THSD4: variants seen among roughly 807,000 people sequenced by gnomAD.
THSD4 encodes thrombospondin type-1 domain-containing protein 4.
A neutral mutation model predicts 119.0 loss-of-function variants in THSD4; 69 were observed. The ratio of observed to expected loss-of-function variants is 0.58; its 90% CI spans 0.48 to 0.71. The LOEUF is 0.71. Ranked by LOEUF, THSD4 falls within the 30% of genes least tolerant of loss-of-function variation. The pLI, the probability that THSD4 is intolerant of heterozygous loss-of-function variation, is 0.00. For synonymous variants in THSD4, 524 were observed against 540.4 expected (o/e 0.97, Z 0.42); for missense variants, 1,393 against 1,391.1 (o/e 1.00, Z -0.02).
intron 3 of THSD4, among the ~76,000 whole-genome samples, chr15:71,172,692 T>TATATATGTGAC: frequency 1.5e-5 from 1 of 68,212 alleles, no homozygotes; most frequent in South Asian, 4.8e-4. Context: ...CATATATATA[T>TATATATGTGAC]ATATATATAT....
intron 7 of THSD4, among the ~76,000 whole-genome samples, chr15:71,517,453 C>T (rs1437838135): frequency 1.3e-5 from 2 of 152,202 alleles, no homozygotes. Context: ...GCCTATTTTA[C>T]CTTCCCAACC....
intron 7 of THSD4, among the ~76,000 whole-genome samples, chr15:71,564,145 T>C (rs1241737238): frequency 6.6e-6 from 1 of 152,214 alleles, no homozygotes; most frequent in Non-Finnish European, 1.5e-5. Flanking sequence ...TTCTGCCCAT[T>C]TTTCCCTCTT....
At chr15:71,734,229 C>T (rs896997834) in intron 10 of THSD4, among the ~76,000 whole-genome samples, 6 of 152,128 alleles carry the variant, frequency 3.9e-5, no homozygotes, top group Admixed American at 2.6e-4. Flanking sequence ...TCAAAAGCAA[C>T]TGCCACATAA....
At chr15:71,521,622 CGTGA>C (rs1476403496) in intron 7 of THSD4, among the ~76,000 whole-genome samples, 1 of 152,046 alleles carries the variant, frequency 6.6e-6, no homozygotes, top group Non-Finnish European at 1.5e-5. Context: ...GCCAAATGGC[CGTGA>C]GTAAGAAGAT....
At chr15:71,496,020 A>G (rs1219626135) in intron 7 of THSD4, among the ~76,000 whole-genome samples, 1 of 152,304 alleles carries the variant, frequency 6.6e-6, no homozygotes, top group East Asian at 1.9e-4. Flanking sequence ...CAGCATAGGC[A>G]CTCATCTGCC....
intron 3 of THSD4, among the ~76,000 whole-genome samples, chr15:71,207,408 C>A (rs1353286589): frequency 2.0e-5 from 3 of 152,264 alleles, no homozygotes; most frequent in African/African-American, 7.2e-5. Flanking sequence ...CCACCTCCCT[C>A]TTCCAGCCTT....
At chr15:71,578,210 G>C (rs1159494766) in intron 7 of THSD4, among the ~76,000 whole-genome samples, 1 of 149,710 alleles carries the variant, frequency 6.7e-6, no homozygotes, top group Non-Finnish European at 1.5e-5. Context: ...TTGATAAATT[G>C]AATATATATA....
chr15:71,331,051 G>A (rs898305602), intron 6 of THSD4, among the ~76,000 whole-genome samples: 2 of 152,142 alleles, frequency 1.3e-5, no homozygotes, highest in Non-Finnish European at 2.9e-5. Context: ...TTTCTCCTGC[G>A]CTCCTCTCAG....
intron 8 of THSD4, among the ~76,000 whole-genome samples, chr15:71,704,248 C>A (rs1344182333): frequency 6.6e-6 from 1 of 152,208 alleles, no homozygotes; most frequent in Non-Finnish European, 1.5e-5. Flanking sequence ...TGCTAAGTGA[C>A]AAGATAGCAC....
chr15:71,729,783 C>T (rs1269046574), intron 9 of THSD4: 1 of 152,104 alleles, frequency 6.6e-6, no homozygotes. Context: ...GCAGAATGCT[C>T]AGGCAGAAGA....
intron 6 of THSD4, among the ~76,000 whole-genome samples, chr15:71,331,517 G>A (rs1400874146): frequency 1.3e-5 from 2 of 152,178 alleles, no homozygotes; most frequent in African/African-American, 4.8e-5. Context: ...GGCTCCACAG[G>A]CACCATGGGG....
chr15:71,608,081 G>A (rs543169595), intron 7 of THSD4, among the ~76,000 whole-genome samples: 5 of 151,900 alleles, frequency 3.3e-5, no homozygotes, highest in Non-Finnish European at 7.4e-5. Flanking sequence ...AAATTAGCGG[G>A]GCGTGGTGGC....
At position 71,765,794 on chromosome 15, in the gene THSD4, G is replaced by C. The variant is rs535354133; in HGVS notation, c.2769+595G>C. Among the ~76,000 whole-genome samples the C allele has an allele frequency of 4.2e-3, 447 of 107,260 alleles. 1 individual carries two copies. The highest frequency in any genetic ancestry group is 0.034 in the African/African-American group (398 of 11,754). 70.4% of individuals were successfully genotyped at this position (107,260 alleles called of 152,430 possible). A position where few individuals can be genotyped will look rare whatever the true frequency, so the allele number is the denominator to read the frequency against. The stretch of plus-strand genomic sequence containing the variant: ...AAACACACACGCACACACTCTCTGT[G>C]TGTGTGTGTGTGTGTGTGTGTGTGT... On this transcript the variant is annotated intron_variant, in intron 16 of 17. Transcript: ENST00000261862.
intron 6 of THSD4, among the ~76,000 whole-genome samples, chr15:71,353,858 C>T (rs1438834960): frequency 6.6e-6 from 1 of 152,204 alleles, no homozygotes. Context: ...TTGGTTCCCT[C>T]CTCTCTAAGT....
chr15:71,393,856 C>G (rs79711668), intron 6 of THSD4, among the ~76,000 whole-genome samples: 2 of 152,286 alleles, frequency 1.3e-5, no homozygotes, highest in East Asian at 1.9e-4. Context: ...GAATGTCAGA[C>G]AGACTAGCTG....
chr15:71,312,071 C>T (rs1379789295), intron 6 of THSD4, among the ~76,000 whole-genome samples: 3 of 152,232 alleles, frequency 2.0e-5, no homozygotes, highest in South Asian at 2.1e-4. Context: ...ATCCAGAGTT[C>T]TCTTTGTTTC....
chr15:71,442,784 G>A (rs1412980227), intron 7 of THSD4, among the ~76,000 whole-genome samples: 1 of 145,870 alleles, frequency 6.9e-6, no homozygotes, highest in Non-Finnish European at 1.5e-5. Flanking sequence ...CTTTGCTTTG[G>A]TATAGGCTGT....
chr15:71,561,907 CACACACACACACAA>C (rs1371728979), intron 7 of THSD4, among the ~76,000 whole-genome samples: 511 of 38,812 alleles, frequency 0.013, 8 homozygotes, highest in African/African-American at 0.058. Context: ...CACACACACA[CACACACACACACAA>C]ACACTCACTC....
At chr15:71,627,930 A>G (rs781361988) in intron 7 of THSD4, among the ~76,000 whole-genome samples, 14 of 152,222 alleles carry the variant, frequency 9.2e-5, no homozygotes, top group Non-Finnish European at 1.6e-4. Flanking sequence ...AGCTTTAGAA[A>G]GGTTCACATA....
Sources: gnomAD v4.1 joint callset for allele counts (sites outside exome capture counted in the v4.1 genomes callset) on GRCh38, gnomAD v4.1.1 for gene constraint, MANE v1.5 for transcripts, NCBI Gene and HGNC (gene_info 2026-07-23, HGNC 2026-07-21) for gene names.